The following ALPK3 variants were observed in gnomAD, a reference collection of about 807,000 sequenced individuals.
ALPK3 encodes alpha kinase 3, also known as alpha-protein kinase 3.
Under a neutral mutation model 140.0 loss-of-function variants are expected in ALPK3, and 102 were observed. The ratio of observed to expected loss-of-function variants is 0.73; its 90% confidence interval spans 0.62 to 0.86. ALPK3 has a LOEUF of 0.86. Among genes scored for constraint, ALPK3 ranks in the 40% least tolerant of loss-of-function variants. ALPK3 has a pLI of 0.00. For synonymous variants in ALPK3, 938 were observed against 898.5 expected, an observed-to-expected ratio of 1.04 and a Z score of -0.79; for missense variants, 2,254 against 2,208.2, an observed-to-expected ratio of 1.02 and a Z score of -0.42.
chr15:84,858,001 C>T lies in ALPK3; in HGVS notation c.3263C>T (p.Ala1088Val), dbSNP rs370119129. Residue 1088 changes from alanine to valine, a missense_variant, in exon 6 of 14, where the codon GCC (alanine) becomes GTC (valine). Coordinates refer to ENST00000258888, the MANE Select transcript of ALPK3 (RefSeq NM_020778.5). ...GACCCTGGGCTGGCCTCAGAAGGAG[C>T]CAGTGAGGGTGAAGGAGAGGTTTCC... ...EEDPGLASEG[A>V]SEGEGEVSPE... The T allele has an allele frequency of 5.6e-6, 9 of 1,595,602 alleles. No individual in the cohort carries two copies. The highest frequency in any genetic ancestry group is 1.3e-5 in the African/African-American group (1 of 74,462).
intron 1 of ALPK3, among the ~76,000 whole-genome samples, chr15:84,821,943 G>C (rs1963429803): frequency 6.6e-6 from 1 of 152,166 alleles, no homozygotes; most frequent in Non-Finnish European, 1.5e-5. Context: ...GCTGATAAGG[G>C]ACAGGCCTGG....
chr15:84,841,873 A>G (rs1296753158), intron 5 of ALPK3, among the ~76,000 whole-genome samples: 1 of 152,214 alleles, frequency 6.6e-6, no homozygotes, highest in Non-Finnish European at 1.5e-5. Flanking sequence ...TGGGACAGAA[A>G]GAAGACAGTG....
chr15:84,856,308 G>A, intron 5 of ALPK3, 84 bp from the exon 6 acceptor site: 1 of 1,522,570 alleles, frequency 6.6e-7, no homozygotes, highest in Non-Finnish European at 8.8e-7. Context: ...TGTAGATGAG[G>A]TCCGAGGAGA....
chr15:84,825,830 A>G (rs1354493350), intron 2 of ALPK3, among the ~76,000 whole-genome samples: 1 of 152,234 alleles, frequency 6.6e-6, no homozygotes, highest in East Asian at 1.9e-4. Flanking sequence ...AGATATTAAC[A>G]CTTCCTGAGT....
At chr15:84,825,744 G>C (rs1023608915) in intron 2 of ALPK3, among the ~76,000 whole-genome samples, 1 of 152,158 alleles carries the variant, frequency 6.6e-6, no homozygotes, top group Admixed American at 6.5e-5. Flanking sequence ...GTGGTTTCTG[G>C]AAAGTGTTGA....
chr15:84,861,278 TG>T (rs1963942781), intron 9 of ALPK3, among the ~76,000 whole-genome samples: 3 of 152,238 alleles, frequency 2.0e-5, no homozygotes. Context: ...TTCTGGATTT[TG>T]TTGATTGTGT....
rs755762315 is a variant in ALPK3, at chr15:84,840,896, G to A, written c.1617G>A (p.Thr539=). The A allele has an allele frequency of 1.2e-6, 2 of 1,610,136 alleles. No homozygotes were observed. The highest frequency in any genetic ancestry group is 1.7e-4 in the Middle Eastern group (1 of 6,054). The change falls in exon 5 of 14, where the codon ACG becomes ACA. Residue 539 remains threonine (T), a synonymous_variant. Transcript: ENST00000258888. Reference sequence around the variant, plus strand: ...GGAGACATGGCACCCGGGACAGCACGTTGCAGGGGCAAGCAGGCCACAGGA... The same window carrying A: ...GGAGACATGGCACCCGGGACAGCACATTGCAGGGGCAAGCAGGCCACAGGA... The part of the protein sequence containing the change: ...ARRRHGTRDS[T]LQGQAGHRTP...
chr15:84,842,536 A>G (rs764504523), intron 5 of ALPK3, among the ~76,000 whole-genome samples: 1 of 152,176 alleles, frequency 6.6e-6, no homozygotes, highest in Non-Finnish European at 1.5e-5. Context: ...AGGGAAGCAC[A>G]TGAGGGACAA....
chr15:84,859,362 C>G lies in ALPK3; in HGVS notation c.3937C>G (p.Gln1313Glu). The G allele has an allele frequency of 1.9e-6, 3 of 1,614,178 alleles. No individual in the cohort carries two copies. Among genetic ancestry groups the G allele is most frequent in the Non-Finnish European group, 2.5e-6 (3 of 1,180,016 alleles). ...SDSVLTWAKD[Q>E]RPVGEVGRSA... ...CTCAGTCTTGACATGGGCCAAGGAT[C>G]AGCGCCCAGTGGGCGAGGTGGGCAG... is the stretch of plus-strand genomic sequence containing the variant. Residue 1313 changes from glutamine to glutamate, a missense_variant, in exon 7 of 14, where the codon CAG becomes GAG. Transcript: ENST00000258888.
At chr15:84,839,580 C>T in intron 4 of ALPK3, 122 bp from the exon 5 acceptor site, 1 of 1,090,060 alleles carries the variant, frequency 9.2e-7, no homozygotes, top group Non-Finnish European at 1.3e-6. Context: ...GGGCGTAGCA[C>T]ACGGCAGGGC....
At chr15:84,826,449 G>A (rs1485073937) in intron 2 of ALPK3, among the ~76,000 whole-genome samples, 1 of 152,142 alleles carries the variant, frequency 6.6e-6, no homozygotes, top group East Asian at 1.9e-4. Flanking sequence ...CGCTCACAAT[G>A]GGATGTGTGC....
intron 1 of ALPK3, among the ~76,000 whole-genome samples, chr15:84,818,520 T>C (rs1963387119): frequency 6.6e-6 from 1 of 152,216 alleles, no homozygotes. Context: ...GGTTGTTTCA[T>C]AGCCTGAGAA....
intron 11 of ALPK3, 38 bp downstream of exon 11, chr15:84,863,678 C>T: frequency 1.3e-6 from 2 of 1,588,338 alleles, no homozygotes; most frequent in East Asian, 2.3e-5. Context: ...GTGTGCAGCA[C>T]TGTTGCCTTG....
chr15:84,827,827 A>G (rs1340026832), intron 3 of ALPK3, among the ~76,000 whole-genome samples: 1 of 152,186 alleles, frequency 6.6e-6, no homozygotes, highest in Non-Finnish European at 1.5e-5. Flanking sequence ...TCTTCTTCAG[A>G]ACCTGTCCTC....
chr15:84,846,623 G>A (rs546571832), intron 5 of ALPK3, among the ~76,000 whole-genome samples: 3 of 152,008 alleles, frequency 2.0e-5, no homozygotes, highest in Non-Finnish European at 2.9e-5. Context: ...GATGTTGAGG[G>A]TGCAGTGAGC....
At position 84,858,337 on chromosome 15, in the gene ALPK3, TGGTGCCTG is replaced by T; in HGVS notation, c.3603_3610del (p.Gly1203ArgfsTer50). 1 of 1,558,356 alleles carries T rather than the reference TGGTGCCTG, an allele frequency of 6.4e-7. No individual in the cohort carries two copies. ...TCCCCCCGGGGGCCCAGGAAAAGCCTGGTGCCTGGGTCCCCAGGGACTCCAGGGCGGGA... is the reference window on the plus strand; with the variant it reads ...TCCCCCCGGGGGCCCAGGAAAAGCCTGGTCCCCAGGGACTCCAGGGCGGGA... On this transcript the variant is annotated frameshift_variant, in exon 6 of 14. Coordinates refer to ENST00000258888, the MANE Select transcript of ALPK3 (RefSeq NM_020778.5). LOFTEE classifies it high-confidence loss of function.
Position 84,846,613 on chromosome 15 carries a change from G to A in ALPK3, c.1653+5681G>A, listed in dbSNP as rs377399046. Among the ~76,000 whole-genome samples the A allele has an allele frequency of 2.1e-4, 32 of 152,254 alleles. No homozygotes were observed. The East Asian group carries it at 2.3e-3, about 11-fold the overall frequency. On this transcript the variant is annotated intron_variant, in intron 5 of 13. Transcript: ENST00000258888. ...AGGTGGGAAGAACACTTGAACCCAG[G>A]ATGTTGAGGGTGCAGTGAGCTGAGA... is the stretch of plus-strand genomic sequence containing the variant.
Position 84,859,814 on chromosome 15 carries a change from A to C in ALPK3, c.4004A>C (p.Gln1335Pro), listed in dbSNP as rs1301870114. Residue 1335 changes from glutamine (Q) to proline (P), a missense_variant, in exon 8 of 14, where the codon CAG becomes CCG. Gln to Pro is a moderately conservative substitution (Grantham distance 76, BLOSUM62 -1). Around this residue, in one of 3 missense-constraint regions of ALPK3, gnomAD observed 2,088 missense variants for 2,022.9 expected, o/e 1.03. Transcript: ENST00000258888. Reference sequence around the variant, plus strand: ...GGGCCGGCGGCCTTGGCCATCGTGCAGGCCTCCCCCGTAGACTGCGGTGTG... The same window carrying C: ...GGGCCGGCGGCCTTGGCCATCGTGCCGGCCTCCCCCGTAGACTGCGGTGTG... ...DEGPAALAIV[Q>P]ASPVDCGVYR... 6.2e-7 allele frequency: 1 copy of C among 1,613,804 alleles called. No individual in the cohort carries two copies. Among genetic ancestry groups the C allele is most frequent in the East Asian group, 2.2e-5 (1 of 44,880 alleles).
chr15:84,868,598 C>G lies in ALPK3; in HGVS notation c.*142C>G, dbSNP rs940171012. 2 of 805,986 alleles carry G rather than the reference C, an allele frequency of 2.5e-6. No individual in the cohort carries two copies. Among genetic ancestry groups the G allele is most frequent in the Admixed American group, 2.9e-5 (1 of 34,278 alleles). The allele number at this position is 805,986 out of a possible 1,614,324, so 49.9% of individuals were successfully genotyped here. A position where few individuals can be genotyped will look rare whatever the true frequency, so the allele number is the denominator to read the frequency against. On this transcript the variant is annotated 3_prime_UTR_variant, in exon 14 of 14. Transcript: ENST00000258888. ...ACTTGGGGACCTCTCTGAGCAGGCT[C>G]TCGTGAATCAGCTCGTCATCAGATG...
Sources: allele counts gnomAD v4.1 joint callset (sites outside exome capture counted in the v4.1 genomes callset), GRCh38; gene constraint gnomAD v4.1.1; regional missense constraint gnomAD v4.1.1; transcripts MANE v1.5; gene names NCBI Gene and HGNC (gene_info 2026-07-23, HGNC 2026-07-21).